The following KCNAB2 variants were observed in gnomAD, a reference collection of about 807,000 sequenced individuals.
The protein encoded by KCNAB2 is voltage-gated potassium channel subunit beta-2.
In KCNAB2, 29 loss-of-function variants were observed where a neutral mutation model predicts 63.6. The observed-to-expected ratio is 0.46, with a 90% CI of 0.34 to 0.62. KCNAB2 has a LOEUF of 0.62. KCNAB2 is among the 20% of genes least tolerant of loss of function. KCNAB2 has a pLI of 0.01. For missense variants in KCNAB2, 359 were observed against 563.9 expected (o/e 0.64, Z 3.68); for synonymous variants, 222 against 224.2 (o/e 0.99, Z 0.09).
intron 1 of KCNAB2, among the ~76,000 whole-genome samples, chr1:6,017,648 G>A (rs913209611): frequency 1.3e-5 from 2 of 152,066 alleles, no homozygotes; most frequent in African/African-American, 2.4e-5. Context: ...AAAATTAGCC[G>A]GGCATGGTGG....
chr1:6,076,351 C>G (rs948503088), intron 4 of KCNAB2, among the ~76,000 whole-genome samples: 4 of 152,298 alleles, frequency 2.6e-5, no homozygotes, highest in Admixed American at 2.6e-4. Context: ...TCAAACTATG[C>G]TAGGAACCCT....
intron 1 of KCNAB2, among the ~76,000 whole-genome samples, chr1:6,009,390 C>T (rs1570848405): frequency 6.6e-6 from 1 of 152,184 alleles, no homozygotes; most frequent in Non-Finnish European, 1.5e-5. Flanking sequence ...CGGTGGTGTC[C>T]GTGTGCGTGT....
chr1:6,011,267 G>T (rs1389414361), intron 1 of KCNAB2, among the ~76,000 whole-genome samples: 1 of 151,984 alleles, frequency 6.6e-6, no homozygotes, highest in Non-Finnish European at 1.5e-5. Context: ...GAGGCAGGCA[G>T]CTGTGCCCAG....
chr1:6,000,094 A>G (rs1400765450), intron 1 of KCNAB2, among the ~76,000 whole-genome samples: 1 of 151,938 alleles, frequency 6.6e-6, no homozygotes, highest in African/African-American at 2.4e-5. Flanking sequence ...TCTGTGCCCC[A>G]TCTGGGCCCT....
At chr1:5,993,160 C>T (rs1010700961) in intron 1 of KCNAB2, among the ~76,000 whole-genome samples, 2 of 151,510 alleles carry the variant, frequency 1.3e-5, no homozygotes, top group Admixed American at 1.3e-4. Context: ...ATCCTCCTCT[C>T]ATCCCCTCTC....
In KCNAB2 at chr1:6,004,192, T is replaced by G. The variant is rs1383445413; in HGVS notation, c.-53+11404T>G. ...TCACTTCCCACAAAAGAAGGTTGTT[T>G]GTCTGCTTCTCATAGAACCTGCTCT... is the stretch of plus-strand genomic sequence containing the variant. On this transcript the variant is annotated intron_variant, in intron 1 of 16. Coordinates refer to the KCNAB2 transcript ENST00000341524. 5.3e-5 allele frequency among the ~76,000 whole-genome samples: 8 copies of G among 151,888 alleles called. No individual in the cohort carries two copies. The East Asian group carries it at 1.5e-3, about 29-fold the overall frequency.
At chr1:6,053,783 C>T (rs1253032247) in intron 2 of KCNAB2, among the ~76,000 whole-genome samples, 1 of 152,136 alleles carries the variant, frequency 6.6e-6, no homozygotes, top group African/African-American at 2.4e-5. Flanking sequence ...CATCCTAAAC[C>T]TCAGAATATG....
rs1664744960 is a variant in KCNAB2 at position 6,086,863 on chromosome 1, C to T, written c.426-604C>T. On this transcript the variant is annotated intron_variant, in intron 6 of 15. Transcript: ENST00000378083. This position sits in a 1 kb window ranked among gnomAD's most constrained non-coding sequence, Gnocchi z 4.2. ...CTCCTTTGGTGCCCCCCAAGTTACC[C>T]CGACCAGGCCGTCCTTATGCCTCCC... Among the ~76,000 whole-genome samples the T allele has an allele frequency of 6.6e-6, 1 of 152,056 alleles. No individual in the cohort carries two copies. The highest frequency in any genetic ancestry group is 2.1e-4 in the South Asian group (1 of 4,814).
In KCNAB2 at chr1:6,095,216, G is replaced by A. The variant is rs1254851035; in HGVS notation, c.733-107G>A. The A allele has an allele frequency of 1.4e-5, 17 of 1,225,528 alleles. No individual in the cohort carries two copies. In the East Asian group the frequency reaches 4.1e-4, roughly 30 times the overall value. 75.9% of individuals were successfully genotyped at this position (1,225,528 alleles called of 1,614,324 possible). ...GTGGGGAGCCCGGGCTGCAGCTGCT[G>A]GGCCAGCCTGCTCCGGGGACACCTT... On this transcript the variant is annotated intron_variant, in intron 11 of 15. Coordinates refer to ENST00000378083, the MANE Select transcript of KCNAB2 (RefSeq NM_001199862.2).
intron 1 of KCNAB2, among the ~76,000 whole-genome samples, chr1:6,011,405 T>C (rs1053558609): frequency 1.6e-5 from 2 of 128,518 alleles, no homozygotes; most frequent in African/African-American, 6.2e-5. Flanking sequence ...GGGCCAGGTG[T>C]GCGGGAGGCG....
At position 6,046,040 on chromosome 1, in the gene KCNAB2, C is replaced by T; in HGVS notation, c.-170C>T. On this transcript the variant is annotated 5_prime_UTR_variant, in exon 1 of 16. Coordinates refer to ENST00000378083, the MANE Select transcript of KCNAB2 (RefSeq NM_001199862.2). Reference sequence around the variant, plus strand: ...CTCAAAACTCGACTCTGGTGGGACTCATCTCATTCACCAATTGCTTCTGAC... The same window carrying T: ...CTCAAAACTCGACTCTGGTGGGACTTATCTCATTCACCAATTGCTTCTGAC... The T allele has an allele frequency of 1.0e-6, 1 of 985,478 alleles. No homozygotes were observed. The highest frequency in any genetic ancestry group is 1.2e-6 in the Non-Finnish European group (1 of 829,942). The allele number at this position is 985,478 out of a possible 1,614,324, so 61.0% of individuals were successfully genotyped here.
upstream of KCNAB2, chr1:6,041,954 GGT>G: frequency 8.0e-7 from 1 of 1,251,820 alleles, no homozygotes; most frequent in Middle Eastern, 2.2e-4. Flanking sequence ...TGCCGAGCAG[GGT>G]GTGCTGGTGT....
intron 1 of KCNAB2, among the ~76,000 whole-genome samples, chr1:6,005,358 GCTGAGCTGAGGAGTGAGGGTGAAC>G (rs1657574442): frequency 2.6e-5 from 1 of 38,360 alleles, no homozygotes; most frequent in Admixed American, 2.8e-4. Flanking sequence ...GGATGTGGGA[GCTGAGCTGAGGAGTGAGGGTGAAC>G]TGGGGGATGT....
intron 2 of KCNAB2, among the ~76,000 whole-genome samples, chr1:6,053,364 G>A (rs1169219456): frequency 2.6e-5 from 4 of 152,168 alleles, no homozygotes; most frequent in Non-Finnish European, 4.4e-5. Flanking sequence ...CCAACCTCAC[G>A]GCAGCCATGG....
intron 8 of KCNAB2, among the ~76,000 whole-genome samples, chr1:6,089,260 A>G (rs1664975433): frequency 6.6e-6 from 1 of 152,234 alleles, no homozygotes; most frequent in Non-Finnish European, 1.5e-5. Flanking sequence ...GTGGCTGAGC[A>G]CAGACCACAG....
chr1:6,005,891 C>G (rs998320484), intron 1 of KCNAB2, among the ~76,000 whole-genome samples: 2 of 148,646 alleles, frequency 1.3e-5, no homozygotes, highest in Non-Finnish European at 3.0e-5. Context: ...CTGATCCATT[C>G]CACCCTCACC....
At chr1:6,046,376 T>C (rs1415338771) in intron 1 of KCNAB2, among the ~76,000 whole-genome samples, 193 bp downstream of exon 1, 3 of 152,110 alleles carry the variant, frequency 2.0e-5, no homozygotes, top group Non-Finnish European at 4.4e-5. Flanking sequence ...GGAATGACCG[T>C]GATGGATGGG....
At chr1:6,057,749 T>C (rs1570980642) in intron 2 of KCNAB2, among the ~76,000 whole-genome samples, 1 of 152,100 alleles carries the variant, frequency 6.6e-6, no homozygotes, top group Non-Finnish European at 1.5e-5. Flanking sequence ...CCGGCAGGCC[T>C]GGGCATTCCT....
intron 1 of KCNAB2, among the ~76,000 whole-genome samples, chr1:6,012,070 G>T (rs1658184179): frequency 6.6e-6 from 1 of 151,686 alleles, no homozygotes; most frequent in African/African-American, 2.4e-5. Flanking sequence ...GATGAAGGTG[G>T]AGGTGATGAA....
Sources: allele counts gnomAD v4.1 joint callset (sites outside exome capture counted in the v4.1 genomes callset), GRCh38; gene constraint gnomAD v4.1.1; non-coding constraint Gnocchi (gnomAD v3.1); transcripts MANE v1.5; gene names NCBI Gene and HGNC (gene_info 2026-07-23, HGNC 2026-07-21).